DNER: variants seen among roughly 807,000 people sequenced by gnomAD.
DNER encodes delta and Notch-like epidermal growth factor-related receptor.
A neutral mutation model predicts 78.2 loss-of-function variants in DNER; 33 were observed. The ratio of observed to expected loss-of-function variants is 0.42; its 90% confidence interval spans 0.32 to 0.56. DNER has a LOEUF of 0.56. Among genes scored for constraint, DNER ranks in the 20% least tolerant of loss-of-function variants. The probability of loss-of-function intolerance (pLI) is 0.11; values close to 1 mark genes in which losing one functional copy is unlikely to be tolerated. For missense variants in DNER, 918 were observed against 975.3 expected, an observed-to-expected ratio of 0.94 and a Z score of 0.78; for synonymous variants, 417 against 384.8, an observed-to-expected ratio of 1.08 and a Z score of -0.98.
At chr2:229,410,420 G>A (rs952682385) in intron 9 of DNER, among the ~76,000 whole-genome samples, 1 of 152,182 alleles carries the variant, frequency 6.6e-6, no homozygotes, top group African/African-American at 2.4e-5. Flanking sequence ...GACAGCCAGT[G>A]TACTTTGGCT....
chr2:229,474,304 C>T (rs1010292380), intron 7 of DNER, among the ~76,000 whole-genome samples: 1 of 152,236 alleles, frequency 6.6e-6, no homozygotes, highest in African/African-American at 2.4e-5. Context: ...GGAGAGGCAG[C>T]TTAAAAAATG....
At chr2:229,563,621 AC>A (rs1314147752) in intron 4 of DNER, among the ~76,000 whole-genome samples, 1 of 138,786 alleles carries the variant, frequency 7.2e-6, no homozygotes, top group Non-Finnish European at 1.5e-5. Context: ...CATCATCATC[AC>A]CCCATCACCA....
At chr2:229,479,095 T>G (rs1337594821) in intron 6 of DNER, among the ~76,000 whole-genome samples, 1 of 152,214 alleles carries the variant, frequency 6.6e-6, no homozygotes, top group Non-Finnish European at 1.5e-5. Context: ...GTTAGTTTGC[T>G]GAGGATAATG....
At chr2:229,373,190 G>T (rs901647555) in intron 11 of DNER, among the ~76,000 whole-genome samples, 3 of 152,138 alleles carry the variant, frequency 2.0e-5, no homozygotes, top group African/African-American at 7.2e-5. Context: ...ATTCGCAAAT[G>T]ATGCATCCAA....
At chr2:229,418,856 G>C (rs1485222046) in intron 8 of DNER, among the ~76,000 whole-genome samples, 2 of 152,010 alleles carry the variant, frequency 1.3e-5, no homozygotes, top group Non-Finnish European at 1.5e-5. Context: ...GGGAGGCAGA[G>C]GTTGCAGTGA....
chr2:229,473,168 T>C (rs1246239569), intron 7 of DNER, among the ~76,000 whole-genome samples: 2 of 152,224 alleles, frequency 1.3e-5, no homozygotes, highest in Non-Finnish European at 2.9e-5. Context: ...TTTTAACAGC[T>C]TTCCAGCCTG....
chr2:229,677,057 G>A (rs73095380), intron 1 of DNER, among the ~76,000 whole-genome samples: 3,596 of 152,138 alleles, frequency 0.024, 139 homozygotes, highest in African/African-American at 0.079. Flanking sequence ...GTGACACTGG[G>A]GTTTCTTCTT....
intron 7 of DNER, 25 bp from the exon 8 acceptor site, chr2:229,447,565 A>T: frequency 6.2e-7 from 1 of 1,603,518 alleles, no homozygotes; most frequent in Non-Finnish European, 8.5e-7. Context: ...ATGAGAGCTT[A>T]AAAAAACTAA....
intron 1 of DNER, among the ~76,000 whole-genome samples, chr2:229,614,199 A>T (rs1698109308): frequency 6.6e-6 from 1 of 151,504 alleles, no homozygotes; most frequent in Non-Finnish European, 1.5e-5. Context: ...AATTTAAAAA[A>T]ATAATAATAA....
intron 10 of DNER, among the ~76,000 whole-genome samples, chr2:229,393,869 C>G (rs1299610513): frequency 6.6e-6 from 1 of 151,930 alleles, no homozygotes; most frequent in Admixed American, 6.5e-5. Flanking sequence ...AAAACAAAAA[C>G]AAAAACAAAA....
rs189195046 is a variant in DNER at position 229,666,744 on chromosome 2, T to C, written c.276+47404A>G. ...TGACCCTCAATAAAAACTGAGGGCA[T>C]AATATTAGCCTCATTCAATTAATAC... On this transcript the variant is annotated intron_variant, in intron 1 of 12. Coordinates refer to ENST00000341772, the MANE Select transcript of DNER (RefSeq NM_139072.4). 2.7e-4 allele frequency among the ~76,000 whole-genome samples: 41 copies of C among 152,300 alleles called. No individual in the cohort carries two copies. In the East Asian group the frequency reaches 5.6e-3, roughly 21 times the overall value.
chr2:229,459,478 C>G (rs565510227), intron 7 of DNER, among the ~76,000 whole-genome samples: 6 of 152,166 alleles, frequency 3.9e-5, no homozygotes, highest in Non-Finnish European at 7.3e-5. Context: ...GGACATTATG[C>G]CGAGCAATTG....
At chr2:229,486,540 C>T (rs1373673416) in intron 6 of DNER, among the ~76,000 whole-genome samples, 1 of 152,034 alleles carries the variant, frequency 6.6e-6, no homozygotes, top group East Asian at 1.9e-4. Context: ...GCTGAGAGAG[C>T]TCATTAAGAG....
At chr2:229,578,606 TC>T (rs1482263100) in intron 4 of DNER, among the ~76,000 whole-genome samples, 1 of 152,022 alleles carries the variant, frequency 6.6e-6, no homozygotes, top group Non-Finnish European at 1.5e-5. Flanking sequence ...CTGGAACTTT[TC>T]CCCCTTTCAA....
chr2:229,605,324 C>G (rs1697913902), intron 1 of DNER, among the ~76,000 whole-genome samples: 1 of 152,102 alleles, frequency 6.6e-6, no homozygotes, highest in Non-Finnish European at 1.5e-5. Context: ...AATTCTGCAG[C>G]TCTGTGGACA....
intron 1 of DNER, among the ~76,000 whole-genome samples, chr2:229,603,025 A>G (rs1207746892): frequency 1.3e-5 from 2 of 152,228 alleles, no homozygotes; most frequent in Non-Finnish European, 2.9e-5. Context: ...AGATGAACAA[A>G]TAGACCAATG....
intron 11 of DNER, among the ~76,000 whole-genome samples, chr2:229,375,466 A>C (rs747154351): frequency 1.3e-5 from 2 of 152,136 alleles, no homozygotes. Flanking sequence ...TGCTTTCCCC[A>C]CATCTAGCCA....
intron 1 of DNER, among the ~76,000 whole-genome samples, chr2:229,607,224 C>T (rs980353818): frequency 6.6e-6 from 1 of 152,124 alleles, no homozygotes; most frequent in African/African-American, 2.4e-5. Context: ...AATTAACTGA[C>T]CTGATTAAAC....
intron 11 of DNER, among the ~76,000 whole-genome samples, chr2:229,371,234 G>A (rs1375754504): frequency 6.6e-6 from 1 of 152,200 alleles, no homozygotes; most frequent in East Asian, 1.9e-4. Flanking sequence ...AGGTCTGAGA[G>A]ACAGCAAATT....
Sources: gnomAD v4.1 joint callset for allele counts (sites outside exome capture counted in the v4.1 genomes callset) on GRCh38, gnomAD v4.1.1 for gene constraint, MANE v1.5 for transcripts, NCBI Gene and HGNC (gene_info 2026-07-23, HGNC 2026-07-21) for gene names.